CHCHD4: variants seen among roughly 807,000 people sequenced by gnomAD.
The protein encoded by CHCHD4 is mitochondrial intermembrane space import and assembly protein 40.
CHCHD4 carries 7 observed loss-of-function variants against 12.4 expected under a neutral mutation model. That is an observed-to-expected ratio of 0.57 (90% confidence interval 0.32 to 1.06). The LOEUF (loss-of-function observed/expected upper bound fraction) is 1.06. Ranked by LOEUF, CHCHD4 falls within the 50% of genes least tolerant of loss-of-function variation. The pLI is 0.04. For synonymous variants in CHCHD4, 56 were observed against 58.0 expected (o/e 0.97, Z 0.16); for missense variants, 143 against 175.1 (o/e 0.82, Z 1.03).
intron 1 of CHCHD4, among the ~76,000 whole-genome samples, chr3:14,119,712 C>T (rs1204278776): frequency 1.3e-5 from 2 of 152,194 alleles, no homozygotes; most frequent in African/African-American, 4.8e-5. Context: ...CTACCTTAAA[C>T]CCTCTGGTGC....
chr3:14,116,285 T>A lies in CHCHD4; in HGVS notation c.121+141A>T, dbSNP rs1163162644. ...CAAACCTCTGAGGAAGATAAACCACTGCCCTCAGAGATGGTCTATGGCTGA... is the reference window on the plus strand; with the variant it reads ...CAAACCTCTGAGGAAGATAAACCACAGCCCTCAGAGATGGTCTATGGCTGA... On this transcript the variant is annotated intron_variant, in intron 2 of 2. Coordinates refer to ENST00000396914, the MANE Select transcript of CHCHD4 (RefSeq NM_001098502.2). 3 of 692,732 alleles carry A rather than the reference T, an allele frequency of 4.3e-6. No homozygotes were observed. In the East Asian group the frequency reaches 7.5e-5, roughly 17 times the overall value. 42.9% of individuals were successfully genotyped at this position (692,732 alleles called of 1,614,324 possible).
At chr3:14,118,579 A>G (rs1418045329) in intron 1 of CHCHD4, among the ~76,000 whole-genome samples, 2 of 151,976 alleles carry the variant, frequency 1.3e-5, no homozygotes, top group Non-Finnish European at 2.9e-5. Context: ...ACAACAAAAA[A>G]CCCTCAGCAC....
Position 14,113,062 on chromosome 3 carries a change from G to C in CHCHD4, c.254C>G (p.Ser85Ter), listed in dbSNP as rs1694838638. The change falls in exon 3 of 3, where the codon TCA becomes TGA. Residue 85 changes from serine (S) to a stop codon, truncating the protein, a stop_gained. Transcript: ENST00000396914. LOFTEE classifies it high-confidence loss of function. The part of the protein sequence containing the change: ...FHYSTEEIKG[S>*]DCVDQFRAMQ... ...GGCCCGGAACTGGTCTACACAGTCT[G>C]ACCCCTTGATCTCCTCCGTGCTATA... The C allele has an allele frequency of 1.9e-6, 3 of 1,614,060 alleles. No homozygotes were observed. The highest frequency in any genetic ancestry group is 1.3e-5 in the African/African-American group (1 of 75,000).
chr3:14,122,150 TTTC>T lies in CHCHD4; in HGVS notation c.22+2502_22+2504del. On this transcript the variant is annotated intron_variant, in intron 1 of 2. Transcript: ENST00000396914. Reference sequence around the variant, plus strand: ...ACACGTGTTTAGGATTGCAAAAGGTTTTCTTAAGAAAGTGGCATTTAAAAGGAT... The same window carrying T: ...ACACGTGTTTAGGATTGCAAAAGGTTTTAAGAAAGTGGCATTTAAAAGGAT... 4.7e-6 allele frequency: 7 copies of T among 1,497,762 alleles called. No individual in the cohort carries two copies. In the South Asian group the frequency reaches 8.8e-5, roughly 19 times the overall value. 92.8% of individuals were successfully genotyped at this position (1,497,762 alleles called of 1,614,324 possible). A position where few individuals can be genotyped will look rare whatever the true frequency, so the allele number is the denominator to read the frequency against.
rs755789189 is a variant in CHCHD4 at position 14,116,377 on chromosome 3, T to C, written c.121+49A>G. 3.3e-6 allele frequency: 4 copies of C among 1,224,908 alleles called. No individual in the cohort carries two copies. The South Asian group carries it at 4.8e-5, about 15-fold the overall frequency. 75.9% of individuals were successfully genotyped at this position (1,224,908 alleles called of 1,614,324 possible). A position where few individuals can be genotyped will look rare whatever the true frequency, so the allele number is the denominator to read the frequency against. On this transcript the variant is annotated intron_variant, in intron 2 of 2. Coordinates refer to ENST00000396914, the MANE Select transcript of CHCHD4 (RefSeq NM_001098502.2). Reference sequence around the variant, plus strand: ...GGAAAGGAATTAAGAACACTGAGCTTCTCCCCAGTGCCCTGGTGTGGGTCC... The same window carrying C: ...GGAAAGGAATTAAGAACACTGAGCTCCTCCCCAGTGCCCTGGTGTGGGTCC...
In CHCHD4 at chr3:14,124,635, T is replaced by C. The variant is rs1694985192; in HGVS notation, c.22+20A>G. 1.3e-6 allele frequency: 2 copies of C among 1,510,172 alleles called. No individual in the cohort carries two copies. The highest frequency in any genetic ancestry group is 1.5e-5 in the African/African-American group (1 of 68,876). The allele number at this position is 1,510,172 out of a possible 1,614,324, so 93.5% of individuals were successfully genotyped here. A position where few individuals can be genotyped will look rare whatever the true frequency, so the allele number is the denominator to read the frequency against. On this transcript the variant is annotated intron_variant, in intron 1 of 2. Transcript: ENST00000396914. ...GCAGGCCCTCGTAGGCCGGTCTCCG[T>C]GGCAGCCCGCCCTCCCTACCTTCCT...
chr3:14,120,697 C>T (rs79249693), intron 1 of CHCHD4, among the ~76,000 whole-genome samples: 3,825 of 152,224 alleles, frequency 0.025, 174 homozygotes, highest in African/African-American at 0.087. Context: ...TTGCAGTATC[C>T]TGAGAGCCCA....
chr3:14,123,771 G>A (rs986261653), intron 1 of CHCHD4, among the ~76,000 whole-genome samples: 1 of 152,208 alleles, frequency 6.6e-6, no homozygotes, highest in African/African-American at 2.4e-5. Flanking sequence ...GGCCTGGAGG[G>A]GTTAGGTGGG....
At chr3:14,121,237 C>G (rs1283998489) in intron 1 of CHCHD4, among the ~76,000 whole-genome samples, 1 of 152,192 alleles carries the variant, frequency 6.6e-6, no homozygotes, top group Non-Finnish European at 1.5e-5. Flanking sequence ...TTACTGTCTG[C>G]TCTTTCTGGC....
At position 14,116,423 on chromosome 3, in the gene CHCHD4, C is replaced by T; in HGVS notation, c.121+3G>A. On this transcript the variant is annotated splice_donor_region_variant and intron_variant, in intron 2 of 2. Coordinates refer to ENST00000396914, the MANE Select transcript of CHCHD4 (RefSeq NM_001098502.2). ...GGTCCCTGGGAGGCCACATGTCACT[C>T]ACCATGCTCCTCGTATGGATCGTTG... The T allele has an allele frequency of 6.3e-7, 1 of 1,596,550 alleles. No individual in the cohort carries two copies. Among genetic ancestry groups the T allele is most frequent in the Non-Finnish European group, 8.6e-7 (1 of 1,167,222 alleles).
intron 1 of CHCHD4, among the ~76,000 whole-genome samples, chr3:14,118,842 C>T (rs942978952): frequency 3.9e-5 from 6 of 152,234 alleles, no homozygotes; most frequent in South Asian, 4.1e-4. Flanking sequence ...ATGCAAATTT[C>T]GCAACTCAGC....
Position 14,113,087 on chromosome 3 carries a change from A to T in CHCHD4, c.229T>A (p.Tyr77Asn). The change falls in exon 3 of 3, where the codon TAT (tyrosine) becomes AAT (asparagine). Residue 77 changes from tyrosine to asparagine, a missense_variant. Physicochemically the swap from Tyr to Asn is moderately radical, Grantham distance 143. Coordinates refer to ENST00000396914, the MANE Select transcript of CHCHD4 (RefSeq NM_001098502.2). ...QFKSAFSCFH[Y>N]STEEIKGSDC... ...GACCCCTTGATCTCCTCCGTGCTAT[A>T]GTGGAAGCAGGAAAAGGCTGACTTA... 6.2e-7 allele frequency: 1 copy of T among 1,614,064 alleles called. No homozygotes were observed. Among genetic ancestry groups the T allele is most frequent in the Non-Finnish European group, 8.5e-7 (1 of 1,180,008 alleles).
chr3:14,116,968 G>A (rs749559521), intron 1 of CHCHD4, among the ~76,000 whole-genome samples: 109 of 152,338 alleles, frequency 7.2e-4, no homozygotes, highest in Non-Finnish European at 1.4e-3. Flanking sequence ...AATCGTGGCC[G>A]GAAGAAGGAA....
chr3:14,118,773 G>A (rs1321713344), intron 1 of CHCHD4, among the ~76,000 whole-genome samples: 1 of 152,224 alleles, frequency 6.6e-6, no homozygotes, highest in African/African-American at 2.4e-5. Flanking sequence ...ATTCTGGCCA[G>A]TTTCCAAAAT....
chr3:14,124,711 G>A lies in CHCHD4; in HGVS notation c.-35C>T, dbSNP rs1294453284. On this transcript the variant is annotated 5_prime_UTR_variant, in exon 1 of 3. Coordinates refer to ENST00000396914, the MANE Select transcript of CHCHD4 (RefSeq NM_001098502.2). ...CCGTCCCTGAGACCTTGCAGAAGCG[G>A]CGGTGGCGGCAGCTGCACCTTTACG... 2.0e-6 allele frequency: 3 copies of A among 1,517,632 alleles called. No homozygotes were observed. The highest frequency in any genetic ancestry group is 1.8e-6 in the Non-Finnish European group (2 of 1,134,466). 94.0% of individuals were successfully genotyped at this position (1,517,632 alleles called of 1,614,324 possible). A position where few individuals can be genotyped will look rare whatever the true frequency, so the allele number is the denominator to read the frequency against.
rs750347272 is a variant in CHCHD4, at chr3:14,124,790, C to G, written c.-114G>C. The G allele has an allele frequency of 2.2e-5, 27 of 1,245,526 alleles. No homozygotes were observed. The highest frequency in any genetic ancestry group is 1.2e-4 in the Admixed American group (4 of 33,868). The allele number at this position is 1,245,526 out of a possible 1,614,324, so 77.2% of individuals were successfully genotyped here. A position where few individuals can be genotyped will look rare whatever the true frequency, so the allele number is the denominator to read the frequency against. ...GGGCTCCTCCGAAGCCCGCGCGGAC[C>G]CGCCCCCTCCCAGGCCTGCCCGCCG... On this transcript the variant is annotated 5_prime_UTR_variant, in exon 1 of 3. Transcript: ENST00000396914.
chr3:14,119,158 G>C (rs754443871), intron 1 of CHCHD4: 2 of 152,268 alleles, frequency 1.3e-5, no homozygotes, highest in Non-Finnish European at 2.9e-5. Flanking sequence ...TGCCTTCCTG[G>C]ACATTTTCCC....
At chr3:14,118,811 A>G (rs1694902048) in intron 1 of CHCHD4, among the ~76,000 whole-genome samples, 1 of 152,254 alleles carries the variant, frequency 6.6e-6, no homozygotes, top group African/African-American at 2.4e-5. Context: ...AAAAATGTTG[A>G]ACGCTAAGCA....
chr3:14,115,787 T>C lies in CHCHD4; in HGVS notation c.121+639A>G, dbSNP rs572216933. 8.5e-5 allele frequency among the ~76,000 whole-genome samples: 13 copies of C among 152,336 alleles called. No homozygotes were observed. The South Asian group carries it at 2.5e-3, about 29-fold the overall frequency. On this transcript the variant is annotated intron_variant, in intron 2 of 2. Transcript: ENST00000396914. ...TTTTTGATTGGTGAAGTGACTACTGTACAATACGTAGATTGTTCATGGACA... is the reference window on the plus strand; with the variant it reads ...TTTTTGATTGGTGAAGTGACTACTGCACAATACGTAGATTGTTCATGGACA...
Sources: allele counts gnomAD v4.1 joint callset (sites outside exome capture counted in the v4.1 genomes callset), GRCh38; gene constraint gnomAD v4.1.1; transcripts MANE v1.5; gene names NCBI Gene and HGNC (gene_info 2026-07-23, HGNC 2026-07-21).